Variants in ZNF385D observed in about 807,000 individuals in gnomAD.
The protein encoded by ZNF385D is zinc finger protein 385D.
Under a neutral mutation model 35.8 loss-of-function variants are expected in ZNF385D, and 15 were observed. The ratio of observed to expected loss-of-function variants is 0.42; its 90% CI spans 0.28 to 0.64. ZNF385D has a LOEUF of 0.64. Among genes scored for constraint, ZNF385D ranks in the 30% least tolerant of loss-of-function variants. The pLI is 0.23. For missense variants in ZNF385D, 474 were observed against 494.6 expected (o/e 0.96, Z 0.39); for synonymous variants, 212 against 186.8 (o/e 1.13, Z -1.10).
At chr3:21,710,139 G>A (rs2878598) in intron 1 of ZNF385D, among the ~76,000 whole-genome samples, 3,010 of 152,228 alleles carry the variant, frequency 0.02, 60 homozygotes, top group East Asian at 0.098. Flanking sequence ...AGTTGGGTAT[G>A]GGGGTATGGT....
At chr3:21,921,796 T>A (rs1700477161) in intron 3 of ZNF385D, among the ~76,000 whole-genome samples, 1 of 151,422 alleles carries the variant, frequency 6.6e-6, no homozygotes, top group South Asian at 2.1e-4. Context: ...CAAGAAGAAT[T>A]TGAAACCCTG....
Position 21,413,298 on chromosome 3 carries a change from A to G in ZNF385D, c.*7916T>C, listed in dbSNP as rs890520503. 1.3e-5 allele frequency: 2 copies of G among 152,090 alleles called. No homozygotes were observed. Among genetic ancestry groups the G allele is most frequent in the Admixed American group, 6.6e-5 (1 of 15,252 alleles). 9.4% of individuals were successfully genotyped at this position (152,090 alleles called of 1,614,324 possible). A position where few individuals can be genotyped will look rare whatever the true frequency, so the allele number is the denominator to read the frequency against. ...GGCCATTAAGGTGGCACAAATTAGC[A>G]TTCTGAGCGTTTTGGCTTCTGGTAC... is the stretch of plus-strand genomic sequence containing the variant. On this transcript the variant is annotated 3_prime_UTR_variant, in exon 8 of 8. Transcript: ENST00000281523.
intron 1 of ZNF385D, among the ~76,000 whole-genome samples, chr3:21,725,427 G>C (rs1418229797): frequency 1.3e-5 from 2 of 152,028 alleles, no homozygotes; most frequent in Non-Finnish European, 2.9e-5. Context: ...AAAATAGATA[G>C]ACCGCTAGCC....
chr3:21,531,346 T>C (rs1416862260), intron 3 of ZNF385D, among the ~76,000 whole-genome samples: 1 of 152,186 alleles, frequency 6.6e-6, no homozygotes, highest in Non-Finnish European at 1.5e-5. Context: ...AGACAGTTTG[T>C]CAATTTCTTA....
chr3:22,140,692 TG>T (rs1704451640), intron 3 of ZNF385D, among the ~76,000 whole-genome samples: 1 of 152,222 alleles, frequency 6.6e-6, no homozygotes, highest in Non-Finnish European at 1.5e-5. Flanking sequence ...TATTATTTTT[TG>T]AAACATCTGA....
At chr3:22,106,976 A>G (rs1025781154) in intron 3 of ZNF385D, among the ~76,000 whole-genome samples, 1 of 149,758 alleles carries the variant, frequency 6.7e-6, no homozygotes, top group East Asian at 1.9e-4. Context: ...CCTGGCAGGC[A>G]TAACTGATTT....
At chr3:21,523,197 G>A (rs1708024573) in intron 3 of ZNF385D, among the ~76,000 whole-genome samples, 1 of 152,178 alleles carries the variant, frequency 6.6e-6, no homozygotes, top group Non-Finnish European at 1.5e-5. Flanking sequence ...AAGCCTATGA[G>A]TGAATTGCAA....
intron 3 of ZNF385D, among the ~76,000 whole-genome samples, chr3:22,081,651 C>T (rs1454783001): frequency 6.6e-6 from 1 of 152,138 alleles, no homozygotes; most frequent in Admixed American, 6.6e-5. Context: ...AGCCTGTCAT[C>T]TACCCTGTTT....
At chr3:21,872,646 A>C (rs568723053) in intron 3 of ZNF385D, among the ~76,000 whole-genome samples, 1 of 152,230 alleles carries the variant, frequency 6.6e-6, no homozygotes, top group East Asian at 1.9e-4. Flanking sequence ...TGAGACCATA[A>C]TGAAATGGTT....
rs945378455 is a variant in ZNF385D at position 22,079,195 on chromosome 3, T to C, written c.325+89622A>G. Among the ~76,000 whole-genome samples, 32 of 152,026 alleles carry C rather than the reference T, an allele frequency of 2.1e-4. 1 individual carries two copies. The highest frequency in any genetic ancestry group is 2.0e-3 in the Admixed American group (30 of 15,238). Reference sequence around the variant, plus strand: ...CTTGAGTGCCACAGTACATAAATAATTGTAACATTTTCCCCATCATTAAAA... The same window carrying C: ...CTTGAGTGCCACAGTACATAAATAACTGTAACATTTTCCCCATCATTAAAA... On this transcript the variant is annotated intron_variant, in intron 3 of 5. Transcript: ENST00000494108.
Position 21,446,487 on chromosome 3 carries a change from C to CTTTTTTT in ZNF385D, c.440-9291_440-9285dup, listed in dbSNP as rs71044918. Among the ~76,000 whole-genome samples the CTTTTTTT allele has an allele frequency of 1.0e-3, 96 of 91,856 alleles. 10 individuals carry two copies. The highest frequency in any genetic ancestry group is 2.1e-3 in the African/African-American group (44 of 21,154). 60.3% of individuals were successfully genotyped at this position (91,856 alleles called of 152,430 possible). On this transcript the variant is annotated intron_variant, in intron 4 of 7. Transcript: ENST00000281523. ...TTTTAGATACTACCTAATCAATGAACTTTTTTTTTTTTTTTTTTTTTTTTG... is the reference window on the plus strand; with the variant it reads ...TTTTAGATACTACCTAATCAATGAACTTTTTTTTTTTTTTTTTTTTTTTTTTTTTTTG...
intron 2 of ZNF385D, among the ~76,000 whole-genome samples, chr3:21,600,431 G>A (rs893006147): frequency 6.6e-6 from 1 of 152,104 alleles, no homozygotes; most frequent in East Asian, 1.9e-4. Flanking sequence ...CACCAGAAAG[G>A]TTAAACGATG....
intron 2 of ZNF385D, among the ~76,000 whole-genome samples, chr3:22,316,265 A>G (rs1703879480): frequency 6.6e-6 from 1 of 152,176 alleles, no homozygotes; most frequent in Non-Finnish European, 1.5e-5. Flanking sequence ...GTTCTCAGGG[A>G]GGCAGATTTG....
At chr3:22,338,931 C>T (rs943193670) in intron 2 of ZNF385D, among the ~76,000 whole-genome samples, 2 of 151,936 alleles carry the variant, frequency 1.3e-5, no homozygotes, top group East Asian at 1.9e-4. Flanking sequence ...GAACTCCTGA[C>T]CTCAGGTGAT....
At chr3:22,035,110 G>A (rs989378334) in intron 3 of ZNF385D, among the ~76,000 whole-genome samples, 1 of 152,058 alleles carries the variant, frequency 6.6e-6, no homozygotes, top group African/African-American at 2.4e-5. Context: ...TCCTACATTT[G>A]GGTATCAATG....
At chr3:21,980,659 C>T (rs969141484) in intron 3 of ZNF385D, among the ~76,000 whole-genome samples, 2 of 152,122 alleles carry the variant, frequency 1.3e-5, no homozygotes, top group Non-Finnish European at 2.9e-5. Flanking sequence ...ACTATTTCGT[C>T]ATCCAGCTAT....
intron 3 of ZNF385D, among the ~76,000 whole-genome samples, chr3:22,167,848 TGAAA>T (rs1706436524): frequency 6.6e-6 from 1 of 152,198 alleles, no homozygotes; most frequent in African/African-American, 2.4e-5. Context: ...GTCATACATT[TGAAA>T]GAAATAAAAA....
intron 4 of ZNF385D, among the ~76,000 whole-genome samples, chr3:21,456,254 A>G (rs1032139970): frequency 2.7e-4 from 41 of 152,234 alleles, no homozygotes; most frequent in Non-Finnish European, 5.3e-4. Flanking sequence ...CCAAAGGATT[A>G]TAAATCATGC....
At chr3:21,796,763 G>T (rs1301319072) in intron 3 of ZNF385D, among the ~76,000 whole-genome samples, 3 of 152,184 alleles carry the variant, frequency 2.0e-5, no homozygotes, top group Non-Finnish European at 4.4e-5. Flanking sequence ...CTTACTCAAG[G>T]TGACACATCT....
Sources: gnomAD v4.1 joint callset for allele counts (sites outside exome capture counted in the v4.1 genomes callset) on GRCh38, gnomAD v4.1.1 for gene constraint, MANE v1.5 for transcripts, NCBI Gene and HGNC (gene_info 2026-07-23, HGNC 2026-07-21) for gene names.